Variants in EVI5 observed in about 807,000 individuals in gnomAD.
EVI5 encodes the protein ecotropic viral integration site 5.
A neutral mutation model predicts 112.0 loss-of-function variants in EVI5; 73 were observed. The ratio of observed to expected loss-of-function variants is 0.65; its 90% CI spans 0.54 to 0.79. EVI5 has a LOEUF of 0.79. Among genes scored for constraint, EVI5 ranks in the 30% least tolerant of loss-of-function variants. The pLI, the probability that EVI5 is intolerant of heterozygous loss-of-function variation, is 0.00. For synonymous variants in EVI5, 305 were observed against 319.9 expected (o/e 0.95, Z 0.50); for missense variants, 900 against 968.8 (o/e 0.93, Z 0.94).
Position 92,563,714 on chromosome 1 carries a change from T to C in EVI5, c.2094A>G (p.Gly698=), listed in dbSNP as rs1668975543. 1.9e-6 allele frequency: 3 copies of C among 1,606,796 alleles called. No individual in the cohort carries two copies. The highest frequency in any genetic ancestry group is 1.3e-5 in the African/African-American group (1 of 74,724). The change falls in exon 19 of 20, where the codon GGA becomes GGG. Residue 698 remains glycine (G), a synonymous_variant. Transcript: ENST00000684568. ...EIQKEEGKLQ[G]QLNKSDSNQY... ...GGTTAGAATCAGACTTGTTAAGCTG[T>C]CCTTGAAGCTTTCCTTCTTCTTTCT...
upstream of EVI5, among the ~76,000 whole-genome samples, chr1:92,788,399 G>C (rs564807079): frequency 1.3e-5 from 2 of 151,388 alleles, no homozygotes; most frequent in Non-Finnish European, 2.9e-5. Flanking sequence ...ACTTGAACCC[G>C]GGGGGCGGAG....
At chr1:92,775,831 G>A (rs369931901) in intron 1 of EVI5, among the ~76,000 whole-genome samples, 7 of 152,222 alleles carry the variant, frequency 4.6e-5, no homozygotes, top group African/African-American at 1.2e-4. Flanking sequence ...ATTTGAGGCC[G>A]GGCACGGTGG....
intron 13 of EVI5, among the ~76,000 whole-genome samples, chr1:92,659,762 T>C (rs1215984138): frequency 6.6e-6 from 1 of 151,968 alleles, no homozygotes; most frequent in Non-Finnish European, 1.5e-5. Context: ...GAAAAATCAT[T>C]ATATCAAAGA....
At chr1:92,606,492 A>G (rs1650416062) in intron 17 of EVI5, among the ~76,000 whole-genome samples, 1 of 152,204 alleles carries the variant, frequency 6.6e-6, no homozygotes, top group South Asian at 2.1e-4. Flanking sequence ...ATTTAATATT[A>G]TTTTATTTAT....
chr1:92,624,414 G>A (rs947721209), intron 15 of EVI5, 80 bp from the exon 16 acceptor site: 5 of 1,127,100 alleles, frequency 4.4e-6, no homozygotes, highest in Non-Finnish European at 6.5e-6. Flanking sequence ...CTTATTTCAG[G>A]CCTGTGATAT....
chr1:92,741,042 C>A lies in EVI5; in HGVS notation c.-81-4415G>T, dbSNP rs546624255. Among the ~76,000 whole-genome samples the A allele has an allele frequency of 6.6e-5, 10 of 152,306 alleles. No homozygotes were observed. The East Asian group carries it at 1.7e-3, about 26-fold the overall frequency. On this transcript the variant is annotated intron_variant, in intron 1 of 19. Transcript: ENST00000684568. Reference sequence around the variant, plus strand: ...TTCAAAAAGGAGGGGAATATATCCGCAAACACTTTTTCAGCATTTAAATCG... The same window carrying A: ...TTCAAAAAGGAGGGGAATATATCCGAAAACACTTTTTCAGCATTTAAATCG...
At chr1:92,566,917 G>A (rs866005961) in intron 18 of EVI5, among the ~76,000 whole-genome samples, 7 of 146,122 alleles carry the variant, frequency 4.8e-5, no homozygotes, top group Middle Eastern at 4.1e-3. Context: ...AGCGATTCTC[G>A]TGCCTCAGCC....
intron 2 of EVI5, among the ~76,000 whole-genome samples, chr1:92,706,351 G>A (rs1266709955): frequency 6.6e-6 from 1 of 152,188 alleles, no homozygotes; most frequent in Non-Finnish European, 1.5e-5. Context: ...AGTTTACATA[G>A]GTAATTTTCC....
intron 18 of EVI5, among the ~76,000 whole-genome samples, chr1:92,593,397 T>C (rs1674339334): frequency 6.6e-6 from 1 of 152,138 alleles, no homozygotes; most frequent in Non-Finnish European, 1.5e-5. Flanking sequence ...TCTCAATAAA[T>C]TAGGTATTGA....
intron 19 of EVI5, among the ~76,000 whole-genome samples, chr1:92,560,403 G>A (rs1366796293): frequency 1.3e-5 from 2 of 152,168 alleles, no homozygotes; most frequent in Non-Finnish European, 2.9e-5. Context: ...GAGAGAGTAC[G>A]GGTTGAAAGA....
intron 1 of EVI5, chr1:92,755,742 A>C (rs1680860580): frequency 6.6e-6 from 1 of 152,308 alleles, no homozygotes; most frequent in South Asian, 2.1e-4. Flanking sequence ...CGCCAAGGGG[A>C]CTGAGGCTGT....
chr1:92,717,070 A>T (rs1673839347), intron 2 of EVI5, among the ~76,000 whole-genome samples: 1 of 152,126 alleles, frequency 6.6e-6, no homozygotes, highest in South Asian at 2.1e-4. Flanking sequence ...TAGAATAAAC[A>T]GTGTAGAGAA....
intron 13 of EVI5, among the ~76,000 whole-genome samples, chr1:92,637,471 G>A (rs920300414): frequency 2.0e-5 from 3 of 151,806 alleles, no homozygotes; most frequent in Admixed American, 1.3e-4. Context: ...ACGGAAGCAC[G>A]CAACTTTCCC....
At chr1:92,532,494 A>C (rs1375239855) in intron 19 of EVI5, among the ~76,000 whole-genome samples, 1 of 152,190 alleles carries the variant, frequency 6.6e-6, no homozygotes, top group Non-Finnish European at 1.5e-5. Flanking sequence ...TCTTCTCGGC[A>C]CCGCATCACA....
chr1:92,556,370 C>T (rs1220300683), intron 19 of EVI5, among the ~76,000 whole-genome samples: 1 of 151,732 alleles, frequency 6.6e-6, no homozygotes. Flanking sequence ...TAGAAAAATA[C>T]AAGCATAAGG....
chr1:92,549,895 T>C (rs1666492947), intron 19 of EVI5, among the ~76,000 whole-genome samples: 3 of 152,190 alleles, frequency 2.0e-5, no homozygotes, highest in Admixed American at 2.0e-4. Context: ...TTTTACACAG[T>C]TGGTGGGACT....
chr1:92,646,610 CTTGG>C (rs1242891443), intron 13 of EVI5, among the ~76,000 whole-genome samples: 1 of 152,188 alleles, frequency 6.6e-6, no homozygotes, highest in Non-Finnish European at 1.5e-5. Context: ...AAGAGTTTGT[CTTGG>C]TTGTTTTGTT....
At chr1:92,660,516 T>C (rs1347451440) in intron 13 of EVI5, among the ~76,000 whole-genome samples, 1 of 152,098 alleles carries the variant, frequency 6.6e-6, no homozygotes, top group Admixed American at 6.5e-5. Context: ...CATTGCACAG[T>C]AGAGTGACTA....
intron 18 of EVI5, among the ~76,000 whole-genome samples, chr1:92,590,772 G>A (rs1231484641): frequency 6.6e-6 from 1 of 152,082 alleles, no homozygotes; most frequent in East Asian, 1.9e-4. Context: ...ATGCCACAAA[G>A]ATACTCCTCG....
Sources: gnomAD v4.1 joint callset for allele counts (sites outside exome capture counted in the v4.1 genomes callset) on GRCh38, gnomAD v4.1.1 for gene constraint, MANE v1.5 for transcripts, NCBI Gene and HGNC (gene_info 2026-07-23, HGNC 2026-07-21) for gene names.